The following ANGPT2 variants were observed in gnomAD, a reference collection of about 807,000 sequenced individuals.
The protein encoded by ANGPT2 is angiopoietin 2, also known as angiopoietin-2.
ANGPT2 carries 28 observed loss-of-function variants against 62.9 expected under a neutral mutation model. The ratio of observed to expected loss-of-function variants is 0.44; its 90% CI spans 0.33 to 0.61. The LOEUF (loss-of-function observed/expected upper bound fraction) is 0.61. Ranked by LOEUF, ANGPT2 falls within the 20% of genes least tolerant of loss-of-function variation. ANGPT2 has a pLI of 0.03. For synonymous variants in ANGPT2, 284 were observed against 207.8 expected (o/e 1.37, Z -3.15); for missense variants, 727 against 594.9 (o/e 1.22, Z -2.31).
chr8:6,506,949 T>C (rs1055461631), intron 8 of ANGPT2, among the ~76,000 whole-genome samples: 1 of 152,064 alleles, frequency 6.6e-6, no homozygotes, highest in African/African-American at 2.4e-5. Flanking sequence ...CCAGGCTGGA[T>C]TGTACTGGTG....
At chr8:6,541,726 G>A (rs577693370) in intron 1 of ANGPT2, among the ~76,000 whole-genome samples, 5 of 152,226 alleles carry the variant, frequency 3.3e-5, no homozygotes, top group East Asian at 1.9e-4. Flanking sequence ...ATGTAGGGCC[G>A]GGCATAGTGG....
chr8:6,562,941 T>C lies in ANGPT2; in HGVS notation c.-7A>G, dbSNP rs1274529898. On this transcript the variant is annotated 5_prime_UTR_variant, in exon 1 of 9. Coordinates refer to ENST00000629816, the MANE Select transcript of ANGPT2 (RefSeq NM_001118887.2). ...AGAAAACAATCTGCCACATTCTTTC[T>C]TCAGTAATAAACCAGCAGCTTAGCA... is the stretch of plus-strand genomic sequence containing the variant. The C allele has an allele frequency of 1.3e-6, 2 of 1,577,414 alleles. No individual in the cohort carries two copies. The highest frequency in any genetic ancestry group is 2.3e-5 in the East Asian group (1 of 44,136).
chr8:6,533,548 C>T (rs573974520), intron 1 of ANGPT2, among the ~76,000 whole-genome samples: 1 of 147,780 alleles, frequency 6.8e-6, no homozygotes, highest in Non-Finnish European at 1.5e-5. Context: ...TGCGTAACTC[C>T]AGATACTTAG....
chr8:6,535,964 G>C (rs951346108), intron 1 of ANGPT2, among the ~76,000 whole-genome samples: 4 of 152,116 alleles, frequency 2.6e-5, no homozygotes, highest in Non-Finnish European at 4.4e-5. Context: ...GGCTGAGGTG[G>C]GAGGACTGCT....
chr8:6,513,512 T>G (rs540013226), intron 7 of ANGPT2, among the ~76,000 whole-genome samples, 166 bp downstream of exon 7: 76 of 152,176 alleles, frequency 5.0e-4, no homozygotes, highest in Middle Eastern at 3.4e-3. Context: ...TTTTTGTACT[T>G]CTAGTAGAGA....
chr8:6,546,844 G>A (rs1159789833), intron 1 of ANGPT2, among the ~76,000 whole-genome samples: 2 of 152,116 alleles, frequency 1.3e-5, no homozygotes, highest in African/African-American at 2.4e-5. Context: ...ATCGGAAAGC[G>A]AGTAAGTCAA....
In ANGPT2 at chr8:6,562,889, C is replaced by G. The variant is rs764590708; in HGVS notation, c.46G>C (p.Ala16Pro). Residue 16 changes from alanine (A) to proline (P), a missense_variant, in exon 1 of 9, where the codon GCC becomes CCC. Ala to Pro is a conservative substitution (Grantham distance 27). Transcript: ENST00000629816. ...FFTLSCDLVLAAAYNNFRKSM... is the reference protein window; with the variant it reads ...FFTLSCDLVLPAAYNNFRKSM... Reference sequence around the variant, plus strand: ...TTCCGAAAGTTGTTATAGGCTGCGGCCAAGACAAGATCACAGCTCAGAGTA... The same window carrying G: ...TTCCGAAAGTTGTTATAGGCTGCGGGCAAGACAAGATCACAGCTCAGAGTA... 5.0e-6 allele frequency: 8 copies of G among 1,608,816 alleles called. No individual in the cohort carries two copies. The highest frequency in any genetic ancestry group is 2.2e-5 in the East Asian group (1 of 44,676).
At chr8:6,558,584 T>G (rs1168241736) in intron 1 of ANGPT2, among the ~76,000 whole-genome samples, 1 of 152,172 alleles carries the variant, frequency 6.6e-6, no homozygotes, top group African/African-American at 2.4e-5. Context: ...GTTTGACAAC[T>G]GTAAAGAGCC....
At chr8:6,539,498 A>G (rs1232706168) in intron 1 of ANGPT2, among the ~76,000 whole-genome samples, 1 of 152,174 alleles carries the variant, frequency 6.6e-6, no homozygotes, top group Non-Finnish European at 1.5e-5. Context: ...CCCTGACCAC[A>G]TGGACGCCTG....
At chr8:6,546,792 A>G (rs1303117962) in intron 1 of ANGPT2, among the ~76,000 whole-genome samples, 1 of 152,202 alleles carries the variant, frequency 6.6e-6, no homozygotes, top group Non-Finnish European at 1.5e-5. Flanking sequence ...CCCCCAATCC[A>G]AGTATTGCCT....
rs139380593 is a variant in ANGPT2 at position 6,553,557 on chromosome 8, G to A, written c.288+9090C>T. 4.3e-3 allele frequency among the ~76,000 whole-genome samples: 661 copies of A among 152,196 alleles called. 12 individuals are homozygous for A. The highest frequency in any genetic ancestry group is 0.015 in the African/African-American group (606 of 41,508). The stretch of plus-strand genomic sequence containing the variant: ...GATACCTCTTATTTTGGTATAGAAC[G>A]CCTTTATTCAAACAACGGGAGAACA... On this transcript the variant is annotated intron_variant, in intron 1 of 8. Transcript: ENST00000629816.
intron 3 of ANGPT2, 81 bp from the exon 4 acceptor site, chr8:6,521,491 G>C (rs1314665808): frequency 2.0e-6 from 2 of 1,021,754 alleles, no homozygotes; most frequent in Non-Finnish European, 2.8e-6. Flanking sequence ...ACTTCTCCAA[G>C]GTACTCTGTT....
intron 1 of ANGPT2, among the ~76,000 whole-genome samples, chr8:6,537,979 G>C (rs1211642042): frequency 6.6e-6 from 1 of 152,114 alleles, no homozygotes; most frequent in African/African-American, 2.4e-5. Flanking sequence ...TAATTAATCA[G>C]AGGGTCTAAA....
At chr8:6,516,736 G>A (rs896363694) in intron 5 of ANGPT2, among the ~76,000 whole-genome samples, 1 of 152,170 alleles carries the variant, frequency 6.6e-6, no homozygotes, top group East Asian at 1.9e-4. Context: ...AAGCATTGAC[G>A]TGGCTCTTGG....
chr8:6,519,776 G>A (rs2129568937), intron 5 of ANGPT2, 88 bp downstream of exon 5: 11 of 1,495,224 alleles, frequency 7.4e-6, no homozygotes. Context: ...GAAGATCTTT[G>A]GGGAGAGACT....
intron 1 of ANGPT2, among the ~76,000 whole-genome samples, chr8:6,542,886 A>G (rs886299755): frequency 6.6e-6 from 1 of 152,240 alleles, no homozygotes; most frequent in African/African-American, 2.4e-5. Flanking sequence ...CGAAACTTAG[A>G]TGATTTTCTA....
chr8:6,539,521 C>G (rs551652357), intron 1 of ANGPT2, among the ~76,000 whole-genome samples: 1 of 152,178 alleles, frequency 6.6e-6, no homozygotes, highest in Non-Finnish European at 1.5e-5. Flanking sequence ...CACATAGGGT[C>G]TTTTAAGCAC....
intron 1 of ANGPT2, among the ~76,000 whole-genome samples, chr8:6,552,968 T>C (rs1202706325): frequency 6.6e-6 from 1 of 152,234 alleles, no homozygotes; most frequent in African/African-American, 2.4e-5. Context: ...AGAAGGGCTG[T>C]GCAGGTAGAG....
At chr8:6,519,068 A>G (rs1206589829) in intron 5 of ANGPT2, among the ~76,000 whole-genome samples, 1 of 152,172 alleles carries the variant, frequency 6.6e-6, no homozygotes, top group African/African-American at 2.4e-5. Context: ...TACATGCAGT[A>G]ATTGGACATA....
Sources: allele counts gnomAD v4.1 joint callset (sites outside exome capture counted in the v4.1 genomes callset), GRCh38; gene constraint gnomAD v4.1.1; transcripts MANE v1.5; gene names NCBI Gene and HGNC (gene_info 2026-07-23, HGNC 2026-07-21).